Variants in SPIDR observed in about 807,000 individuals in gnomAD.
The protein encoded by SPIDR is DNA repair-scaffolding protein.
SPIDR carries 93 observed loss-of-function variants against 104.6 expected under a neutral mutation model. The ratio of observed to expected loss-of-function variants is 0.89; its 90% CI spans 0.75 to 1.06. The LOEUF is 1.06. Among genes scored for constraint, SPIDR ranks in the 50% least tolerant of loss-of-function variants. SPIDR has a pLI of 0.00. For synonymous variants in SPIDR, 431 were observed against 416.9 expected (o/e 1.03, Z -0.41); for missense variants, 1,154 against 1,111.2 (o/e 1.04, Z -0.55).
intron 4 of SPIDR, 143 bp from the exon 5 acceptor site, chr8:47,293,724 A>G (rs1414505038): frequency 7.8e-6 from 7 of 899,836 alleles, no homozygotes; most frequent in Non-Finnish European, 1.1e-5. Context: ...CTAGGATTAC[A>G]GGCATGAGCT....
chr8:47,553,613 C>T (rs1313581932), intron 8 of SPIDR, among the ~76,000 whole-genome samples: 1 of 152,096 alleles, frequency 6.6e-6, no homozygotes, highest in South Asian at 2.1e-4. Flanking sequence ...GTAAGGTCTT[C>T]TCTACACTCT....
intron 1 of SPIDR, among the ~76,000 whole-genome samples, chr8:47,266,129 CTTTTTTTT>C (rs1224689414): frequency 7.7e-6 from 1 of 129,674 alleles, no homozygotes; most frequent in Non-Finnish European, 1.7e-5. Flanking sequence ...GTTTCTTTGT[CTTTTTTTT>C]TTTTTTTTTT....
intron 8 of SPIDR, among the ~76,000 whole-genome samples, chr8:47,498,133 C>T (rs552065059): frequency 5.5e-4 from 83 of 152,154 alleles, no homozygotes; most frequent in African/African-American, 1.8e-3. Context: ...AGAAAAAGAC[C>T]GATGTGTGTT....
At chr8:47,573,456 T>C (rs2154407012) in intron 8 of SPIDR, among the ~76,000 whole-genome samples, 1 of 152,340 alleles carries the variant, frequency 6.6e-6, no homozygotes, top group Middle Eastern at 3.4e-3. Context: ...GCGCAGTAGC[T>C]GCCCAGCAGC....
At chr8:47,491,183 G>A (rs1453081864) in intron 8 of SPIDR, among the ~76,000 whole-genome samples, 1 of 151,890 alleles carries the variant, frequency 6.6e-6, no homozygotes, top group African/African-American at 2.4e-5. Flanking sequence ...TAAATGGGTC[G>A]TTTAAGTTTT....
In SPIDR at chr8:47,685,505, A is replaced by ATTTTTTT. The variant is rs201735323; in HGVS notation, c.1685+11567_1685+11568insTTTTTTT. Among the ~76,000 whole-genome samples the ATTTTTTT allele has an allele frequency of 5.6e-3, 587 of 104,326 alleles. 18 individuals are homozygous for ATTTTTTT. The highest frequency in any genetic ancestry group is 0.011 in the Non-Finnish European group (445 of 41,570). The allele number at this position is 104,326 out of a possible 152,430, so 68.4% of individuals were successfully genotyped here. A position where few individuals can be genotyped will look rare whatever the true frequency, so the allele number is the denominator to read the frequency against. On this transcript the variant is annotated intron_variant, in intron 11 of 19. Coordinates refer to ENST00000297423, the MANE Select transcript of SPIDR (RefSeq NM_001080394.4). ...TATTTATTTATTTATTTATTTATTT[A>ATTTTTTT]TTTATTTATTTATTTTTTTGAGACA...
At chr8:47,348,053 T>C (rs2052544500) in intron 5 of SPIDR, among the ~76,000 whole-genome samples, 1 of 152,222 alleles carries the variant, frequency 6.6e-6, no homozygotes, top group Admixed American at 6.5e-5. Context: ...CGATGGTCTT[T>C]ACAATTTGGC....
At chr8:47,613,526 A>C (rs559291426) in intron 10 of SPIDR, among the ~76,000 whole-genome samples, 1 of 151,270 alleles carries the variant, frequency 6.6e-6, no homozygotes, top group Non-Finnish European at 1.5e-5. Context: ...GGAGTAAGTT[A>C]CTGGGTCATA....
chr8:47,536,690 C>CT (rs1373218708), intron 8 of SPIDR, among the ~76,000 whole-genome samples: 26 of 152,206 alleles, frequency 1.7e-4, no homozygotes, highest in African/African-American at 6.0e-4. Context: ...ATCTAGATGA[C>CT]TTTAAGTTTG....
chr8:47,298,289 A>T (rs1477678982), intron 5 of SPIDR, among the ~76,000 whole-genome samples: 1 of 152,034 alleles, frequency 6.6e-6, no homozygotes, highest in Non-Finnish European at 1.5e-5. Context: ...TCCTTTGCCC[A>T]CTTTTTGATG....
chr8:47,305,670 A>G (rs2042976293), intron 5 of SPIDR, among the ~76,000 whole-genome samples: 1 of 152,204 alleles, frequency 6.6e-6, no homozygotes, highest in African/African-American at 2.4e-5. Flanking sequence ...ACTTATTTAT[A>G]TAAATTTTTG....
At chr8:47,377,151 G>T (rs1441294721) in intron 5 of SPIDR, among the ~76,000 whole-genome samples, 5 of 152,014 alleles carry the variant, frequency 3.3e-5, no homozygotes, top group Non-Finnish European at 7.4e-5. Flanking sequence ...CCATCTCTGG[G>T]GACTGGTATT....
intron 8 of SPIDR, among the ~76,000 whole-genome samples, chr8:47,523,807 T>G (rs1273400269): frequency 1.3e-5 from 2 of 152,212 alleles, no homozygotes; most frequent in Admixed American, 1.3e-4. Flanking sequence ...AAAACAGAAG[T>G]GTGGTATGCA....
chr8:47,732,341 ATGCCCGTG>A, intron 19 of SPIDR: 1 of 636,500 alleles, frequency 1.6e-6, no homozygotes, highest in Non-Finnish European at 2.8e-6. Flanking sequence ...ACCTTTGCCC[ATGCCCGTG>A]TGCATGTGTA....
intron 1 of SPIDR, among the ~76,000 whole-genome samples, chr8:47,276,072 G>T (rs2036366463): frequency 6.6e-6 from 1 of 152,150 alleles, no homozygotes; most frequent in Non-Finnish European, 1.5e-5. Context: ...TGTTCCCCAG[G>T]CTGGTCTCAA....
intron 12 of SPIDR, among the ~76,000 whole-genome samples, chr8:47,700,951 TGA>T (rs910956086): frequency 3.9e-4 from 60 of 152,322 alleles, no homozygotes; most frequent in African/African-American, 1.3e-3. Context: ...TGCTTGTTTA[TGA>T]GAGTGTCTCA....
intron 10 of SPIDR, chr8:47,659,732 C>G: frequency 9.1e-6 from 9 of 985,130 alleles, no homozygotes; most frequent in Non-Finnish European, 1.1e-5. Context: ...TTTTTTCTCT[C>G]TCTCTTCTTA....
intron 8 of SPIDR, among the ~76,000 whole-genome samples, chr8:47,556,327 C>G (rs557076756): frequency 6.6e-6 from 1 of 152,322 alleles, no homozygotes; most frequent in African/African-American, 2.4e-5. Context: ...CTGCCTCCAC[C>G]TCTTCCTTCC....
intron 10 of SPIDR, among the ~76,000 whole-genome samples, chr8:47,611,783 C>T (rs549551796): frequency 6.6e-6 from 1 of 152,102 alleles, no homozygotes; most frequent in African/African-American, 2.4e-5. Flanking sequence ...ACTGAAAGTT[C>T]AAGCAAAAAT....
Sources: allele counts gnomAD v4.1 joint callset (sites outside exome capture counted in the v4.1 genomes callset), GRCh38; gene constraint gnomAD v4.1.1; transcripts MANE v1.5; gene names NCBI Gene and HGNC (gene_info 2026-07-23, HGNC 2026-07-21).